The following PKP1 variants were observed in gnomAD, a reference collection of about 807,000 sequenced individuals.
PKP1 encodes plakophilin-1.
Under a neutral mutation model 76.4 loss-of-function variants are expected in PKP1, and 27 were observed. The observed-to-expected ratio is 0.35, with a 90% CI of 0.26 to 0.49. PKP1 has a LOEUF of 0.49. PKP1 is among the 20% of genes least tolerant of loss of function. The pLI, the probability that PKP1 is intolerant of heterozygous loss-of-function variation, is 0.99. For missense variants in PKP1, 964 were observed against 955.2 expected, an observed-to-expected ratio of 1.01 and a Z score of -0.12; for synonymous variants, 404 against 384.2, an observed-to-expected ratio of 1.05 and a Z score of -0.60.
At chr1:201,284,794 A>G (rs1406490898) in intron 1 of PKP1, among the ~76,000 whole-genome samples, 1 of 152,120 alleles carries the variant, frequency 6.6e-6, no homozygotes, top group African/African-American at 2.4e-5. Flanking sequence ...CCCGGGCCCC[A>G]GGGAGACCTC....
At chr1:201,286,643 C>T (rs1055396738) in intron 1 of PKP1, among the ~76,000 whole-genome samples, 2 of 152,192 alleles carry the variant, frequency 1.3e-5, no homozygotes, top group Admixed American at 1.3e-4. Flanking sequence ...AAGAAGGTGG[C>T]TTCTGTGGCC....
intron 11 of PKP1, 35 bp from the exon 12 acceptor site, chr1:201,325,719 A>G: frequency 2.8e-6 from 4 of 1,450,424 alleles, no homozygotes; most frequent in Middle Eastern, 1.7e-4. Context: ...ACCTCCTGGA[A>G]TCTCATCTCA....
At chr1:201,327,974 T>C (rs868185172) in intron 12 of PKP1, among the ~76,000 whole-genome samples, 1 of 152,306 alleles carries the variant, frequency 6.6e-6, no homozygotes, top group Middle Eastern at 3.4e-3. Flanking sequence ...ATGTAATACA[T>C]GCCCAAAGAC....
chr1:201,288,885 A>G (rs1655817375), intron 1 of PKP1, among the ~76,000 whole-genome samples: 1 of 152,192 alleles, frequency 6.6e-6, no homozygotes, highest in African/African-American at 2.4e-5. Context: ...GCAGAGCCTG[A>G]GGGAGTCACA....
chr1:201,325,385 A>C (rs1287456727), intron 11 of PKP1, among the ~76,000 whole-genome samples: 3 of 152,142 alleles, frequency 2.0e-5, no homozygotes, highest in Non-Finnish European at 2.9e-5. Flanking sequence ...TCGGGGGCAC[A>C]AGGTCCTCAG....
intron 2 of PKP1, among the ~76,000 whole-genome samples, chr1:201,303,571 G>A (rs1193721728): frequency 6.6e-6 from 1 of 152,174 alleles, no homozygotes; most frequent in Non-Finnish European, 1.5e-5. Flanking sequence ...ATTAATTCTA[G>A]CTAGGTACTT....
intron 1 of PKP1, among the ~76,000 whole-genome samples, chr1:201,292,461 G>A (rs1460497030): frequency 6.6e-6 from 1 of 152,206 alleles, no homozygotes; most frequent in African/African-American, 2.4e-5. Flanking sequence ...ATGGAAGGGT[G>A]CAGAGAGTTG....
At chr1:201,297,982 C>T (rs942400171) in intron 2 of PKP1, among the ~76,000 whole-genome samples, 2 of 152,204 alleles carry the variant, frequency 1.3e-5, no homozygotes. Context: ...AAATTATTTG[C>T]TGTTTATGTA....
At chr1:201,290,394 A>T (rs1057462818) in intron 1 of PKP1, among the ~76,000 whole-genome samples, 1 of 151,756 alleles carries the variant, frequency 6.6e-6, no homozygotes, top group African/African-American at 2.4e-5. Context: ...CTCATGCTGC[A>T]TGCACCCATA....
rs1431089307 is a variant in PKP1 at position 201,313,433 on chromosome 1, G to A, written c.574G>A (p.Gly192Ser). 1 of 1,601,446 alleles carries A rather than the reference G, an allele frequency of 6.2e-7. No homozygotes were observed. Among genetic ancestry groups the A allele is most frequent in the South Asian group, 1.1e-5 (1 of 88,558 alleles). The change falls in exon 3 of 14, where the codon GGT (glycine) becomes AGT (serine). Residue 192 changes from glycine (G) to serine (S), a missense_variant. Coordinates refer to ENST00000367324, the MANE Select transcript of PKP1 (RefSeq NM_001005337.3). ...CTACAGCTTTTACAGCACCTGCAGTGGTCAGAAGGCCATAAAGAAGTGCCC... is the reference window on the plus strand; with the variant it reads ...CTACAGCTTTTACAGCACCTGCAGTAGTCAGAAGGCCATAAAGAAGTGCCC... ...NRYSFYSTCS[G>S]QKAIKKCPVR...
intron 7 of PKP1, among the ~76,000 whole-genome samples, chr1:201,321,592 T>A (rs970255646): frequency 6.6e-6 from 1 of 152,106 alleles, no homozygotes; most frequent in Non-Finnish European, 1.5e-5. Flanking sequence ...AAAAGACACA[T>A]TCTTCAATAT....
At chr1:201,292,766 C>T (rs1655955782) in intron 1 of PKP1, among the ~76,000 whole-genome samples, 1 of 152,214 alleles carries the variant, frequency 6.6e-6, no homozygotes, top group Non-Finnish European at 1.5e-5. Flanking sequence ...GTGCATATCC[C>T]TCTTAGGAGG....
chr1:201,295,387 A>G (rs1656043088), intron 2 of PKP1, among the ~76,000 whole-genome samples: 3 of 152,158 alleles, frequency 2.0e-5, no homozygotes. Context: ...CTTGATGGCA[A>G]ATGACACTCT....
Position 201,283,576 on chromosome 1 carries a change from C to T in PKP1, c.-127C>T, listed in dbSNP as rs1359005345. 7.1e-6 allele frequency: 6 copies of T among 846,144 alleles called. No individual in the cohort carries two copies. The allele number at this position is 846,144 out of a possible 1,614,324, so 52.4% of individuals were successfully genotyped here. A position where few individuals can be genotyped will look rare whatever the true frequency, so the allele number is the denominator to read the frequency against. Reference sequence around the variant, plus strand: ...GCAGGGAGCCCTCACGCGGACCACGCACTCTATGGCCGTAGGGAGCCGCTG... The same window carrying T: ...GCAGGGAGCCCTCACGCGGACCACGTACTCTATGGCCGTAGGGAGCCGCTG... On this transcript the variant is annotated 5_prime_UTR_variant, in exon 1 of 14. Transcript: ENST00000367324.
intron 2 of PKP1, among the ~76,000 whole-genome samples, chr1:201,304,808 C>T (rs560633511): frequency 1.5e-4 from 23 of 152,332 alleles, no homozygotes; most frequent in South Asian, 4.1e-4. Context: ...ACACCAAAGA[C>T]CTGAGTCCTG....
At chr1:201,318,197 C>T (rs1410783525) in intron 5 of PKP1, among the ~76,000 whole-genome samples, 1 of 152,112 alleles carries the variant, frequency 6.6e-6, no homozygotes, top group African/African-American at 2.4e-5. Context: ...AGGAAGAGGT[C>T]ACCGTGAAGA....
rs183959504 is a variant in PKP1, at chr1:201,320,132, G to A, written c.1233-135G>A. ...TACCACAACTTCCAATCTCCACCCC[G>A]TCGTCTCCTCTCTGCCCTCCCCTCT... On this transcript the variant is annotated intron_variant, in intron 6 of 13. Transcript: ENST00000367324. 128 of 709,254 alleles carry A rather than the reference G, an allele frequency of 1.8e-4. 3 individuals carry two copies. Among genetic ancestry groups the A allele is most frequent in the South Asian group, 1.2e-3 (77 of 64,704 alleles). 43.9% of individuals were successfully genotyped at this position (709,254 alleles called of 1,614,324 possible). A position where few individuals can be genotyped will look rare whatever the true frequency, so the allele number is the denominator to read the frequency against.
intron 2 of PKP1, among the ~76,000 whole-genome samples, chr1:201,310,858 G>A (rs998791990): frequency 2.0e-5 from 3 of 152,154 alleles, no homozygotes; most frequent in East Asian, 1.9e-4. Context: ...CACCTTGCCC[G>A]CTCCCCTGCA....
chr1:201,316,038 G>A (rs1243573806), intron 3 of PKP1, among the ~76,000 whole-genome samples: 1 of 152,060 alleles, frequency 6.6e-6, no homozygotes, highest in African/African-American at 2.4e-5. Flanking sequence ...ATGGATAGAT[G>A]GATGGATAAA....
Sources: allele counts gnomAD v4.1 joint callset (sites outside exome capture counted in the v4.1 genomes callset), GRCh38; gene constraint gnomAD v4.1.1; transcripts MANE v1.5; gene names NCBI Gene and HGNC (gene_info 2026-07-23, HGNC 2026-07-21).